ATP2B2: variants seen among roughly 807,000 people sequenced by gnomAD.
The protein encoded by ATP2B2 is ATPase plasma membrane Ca2+ transporting 2.
ATP2B2 carries 15 observed loss-of-function variants against 120.0 expected under a neutral mutation model. The ratio of observed to expected loss-of-function variants is 0.12; its 90% CI spans 0.08 to 0.19. ATP2B2 has a LOEUF of 0.19. Ranked by LOEUF, ATP2B2 falls within the 10% of genes least tolerant of loss-of-function variation. The pLI, the probability that ATP2B2 is intolerant of heterozygous loss-of-function variation, is 1.00. For missense variants in ATP2B2, 1,045 were observed against 1,719.8 expected (o/e 0.61, Z 6.94); for synonymous variants, 694 against 700.3 (o/e 0.99, Z 0.14).
rs1000522037 is a variant in ATP2B2, at chr3:10,603,848, G to A, written c.-415+16069C>T. On this transcript the variant is annotated intron_variant, in intron 2 of 21. Transcript: ENST00000646379. ...CAATAAATAGACTTAACTCTCAGAC[G>A]ACAGAGCAACCACAAAGGAAATGAA... 2.0e-5 allele frequency among the ~76,000 whole-genome samples: 3 copies of A among 152,114 alleles called. No homozygotes were observed. In the South Asian group the frequency reaches 6.2e-4, roughly 32 times the overall value.
intron 2 of ATP2B2, among the ~76,000 whole-genome samples, chr3:10,437,910 G>A (rs574592644): frequency 6.6e-6 from 1 of 152,192 alleles, no homozygotes; most frequent in African/African-American, 2.4e-5. Flanking sequence ...ATAGTGGGAA[G>A]ATAATGTGAA....
intron 3 of ATP2B2, among the ~76,000 whole-genome samples, chr3:10,529,020 C>A (rs1003512730): frequency 6.6e-6 from 1 of 151,682 alleles, no homozygotes; most frequent in East Asian, 1.9e-4. Context: ...CCAGCACTGA[C>A]CCCCCACCTC....
chr3:10,369,603 G>A (rs1308306474), intron 12 of ATP2B2, among the ~76,000 whole-genome samples: 4 of 152,210 alleles, frequency 2.6e-5, no homozygotes, highest in South Asian at 2.1e-4. Flanking sequence ...ATCCTCTTTC[G>A]GTGGGTGATT....
chr3:10,639,487 G>T (rs2070112791), intron 1 of ATP2B2, among the ~76,000 whole-genome samples: 1 of 152,116 alleles, frequency 6.6e-6, no homozygotes. Flanking sequence ...TGGTTCTCTG[G>T]AGTCTCTTTT....
rs1427006384 is a variant in ATP2B2, at chr3:10,355,917, T to A, written c.2136+2774A>T. 5.4e-5 allele frequency among the ~76,000 whole-genome samples: 4 copies of A among 74,204 alleles called. 2 individuals carry two copies. Among genetic ancestry groups the A allele is most frequent in the Non-Finnish European group, 1.0e-4 (4 of 39,180 alleles). 48.7% of individuals were successfully genotyped at this position (74,204 alleles called of 152,430 possible). Reference sequence around the variant, plus strand: ...TGAAACCCCGTCTCTACTAAAAAAATACAAAAAATTAGCCGGGCGTGGTAG... The same window carrying A: ...TGAAACCCCGTCTCTACTAAAAAAAAACAAAAAATTAGCCGGGCGTGGTAG... On this transcript the variant is annotated intron_variant, in intron 14 of 22. Coordinates refer to ENST00000360273, the MANE Select transcript of ATP2B2 (RefSeq NM_001001331.4).
Position 10,402,129 on chromosome 3 carries a change from G to A in ATP2B2, c.617C>T (p.Ala206Val). 6.2e-7 allele frequency: 1 copy of A among 1,614,124 alleles called. No homozygotes were observed. The highest frequency in any genetic ancestry group is 8.5e-7 in the Non-Finnish European group (1 of 1,180,034). ...GGCTATGTCCCCAACCACGATCTCAGCCACAGGGATCTGGACCACCTGGCC... is the reference window on the plus strand; with the variant it reads ...GGCTATGTCCCCAACCACGATCTCAACCACAGGGATCTGGACCACCTGGCC... ...RAGQVVQIPV[A>V]EIVVGDIAQV... Residue 206 changes from alanine (A) to valine (V), a missense_variant, in exon 4 of 23, where the codon GCT (alanine) becomes GTT (valine). By Grantham distance (64) the Ala-to-Val change is moderately conservative. Coordinates refer to ENST00000360273, the MANE Select transcript of ATP2B2 (RefSeq NM_001001331.4). This position sits in a 1 kb window ranked among gnomAD's most constrained non-coding sequence, Gnocchi z 4.9.
At chr3:10,339,557 C>G (rs543289521) in intron 21 of ATP2B2, among the ~76,000 whole-genome samples, 1 of 152,120 alleles carries the variant, frequency 6.6e-6, no homozygotes, top group Non-Finnish European at 1.5e-5. Flanking sequence ...CTTGGGCAAA[C>G]GTAGAAAAAC....
At chr3:10,693,273 A>G (rs1390342183) in intron 1 of ATP2B2, among the ~76,000 whole-genome samples, 1 of 152,140 alleles carries the variant, frequency 6.6e-6, no homozygotes, top group African/African-American at 2.4e-5. Context: ...ACATTTCATA[A>G]CTCTTATAGT....
At chr3:10,574,103 G>A (rs2068190316) in intron 2 of ATP2B2, among the ~76,000 whole-genome samples, 1 of 152,138 alleles carries the variant, frequency 6.6e-6, no homozygotes, top group Non-Finnish European at 1.5e-5. Context: ...TTATCTCCCA[G>A]CAATGTTAAT....
At chr3:10,334,422 G>A (rs1389396555) in intron 22 of ATP2B2, among the ~76,000 whole-genome samples, 1 of 152,204 alleles carries the variant, frequency 6.6e-6, no homozygotes, top group African/African-American at 2.4e-5. Flanking sequence ...CCAGAGCTGA[G>A]TTGGTGCAGA....
At position 10,402,266 on chromosome 3, in the gene ATP2B2, T is replaced by G; in HGVS notation, c.480A>C (p.Ser160=). 6.2e-7 allele frequency: 1 copy of G among 1,614,018 alleles called. No individual in the cohort carries two copies. Among genetic ancestry groups the G allele is most frequent in the Non-Finnish European group, 8.5e-7 (1 of 1,180,002 alleles). Residue 160 remains serine (S), a synonymous_variant, in exon 4 of 23, where the codon TCA becomes TCC. Coordinates refer to ENST00000360273, the MANE Select transcript of ATP2B2 (RefSeq NM_001001331.4). The surrounding 1 kb of genome is among the most constrained non-coding windows in gnomAD (Gnocchi z 4.9). ...GWIEGAAILL[S]VICVVLVTAF... ...CCGTGACCAGGACCACACAGATAACTGAGAGGAGAATGGCGGCCCCCTCGA... is the reference window on the plus strand; with the variant it reads ...CCGTGACCAGGACCACACAGATAACGGAGAGGAGAATGGCGGCCCCCTCGA...
chr3:10,356,337 G>T (rs1159759423), intron 14 of ATP2B2, among the ~76,000 whole-genome samples: 1 of 152,148 alleles, frequency 6.6e-6, no homozygotes, highest in Non-Finnish European at 1.5e-5. Context: ...GTTTGGACTA[G>T]ATCAGTCACT....
intron 2 of ATP2B2, among the ~76,000 whole-genome samples, chr3:10,580,064 C>T (rs2068352589): frequency 6.6e-6 from 1 of 152,126 alleles, no homozygotes; most frequent in Admixed American, 6.5e-5. Flanking sequence ...CACCCACTGA[C>T]AGCCACTCTT....
intron 2 of ATP2B2, among the ~76,000 whole-genome samples, chr3:10,601,088 C>T (rs1035875435): frequency 1.2e-4 from 19 of 152,178 alleles, no homozygotes; most frequent in African/African-American, 3.4e-4. Context: ...GCACCAGGTC[C>T]GGCCTTGCGG....
At chr3:10,564,437 T>A (rs1252100000) in intron 2 of ATP2B2, among the ~76,000 whole-genome samples, 1 of 152,072 alleles carries the variant, frequency 6.6e-6, no homozygotes, top group Non-Finnish European at 1.5e-5. Context: ...CCTCCCATCC[T>A]CCTCCCCAAC....
At position 10,342,456 on chromosome 3, in the gene ATP2B2, T is replaced by C. The variant is rs2060306039; in HGVS notation, c.2917+296A>G. Among the ~76,000 whole-genome samples, 1 of 152,152 alleles carries C rather than the reference T, an allele frequency of 6.6e-6. No homozygotes were observed. Among genetic ancestry groups the C allele is most frequent in the Non-Finnish European group, 1.5e-5 (1 of 68,026 alleles). On this transcript the variant is annotated intron_variant, in intron 19 of 22. Transcript: ENST00000360273. The surrounding 1 kb of genome is among the most constrained non-coding windows in gnomAD (Gnocchi z 4.4). ...GCCTCAGGTGCCTCTGGGGCTGCCATGCAGTGCTTCAGCACCCGGTCAGGG... is the reference window on the plus strand; with the variant it reads ...GCCTCAGGTGCCTCTGGGGCTGCCACGCAGTGCTTCAGCACCCGGTCAGGG...
intron 1 of ATP2B2, among the ~76,000 whole-genome samples, chr3:10,477,780 T>A (rs1206094960): frequency 1.3e-5 from 2 of 152,272 alleles, no homozygotes; most frequent in African/African-American, 4.8e-5. Flanking sequence ...ATTTGATTTA[T>A]CAGTTGATCC....
chr3:10,705,063 C>T (rs376955904), intron 1 of ATP2B2, among the ~76,000 whole-genome samples: 54 of 152,166 alleles, frequency 3.5e-4, no homozygotes, highest in African/African-American at 1.3e-3. Context: ...TGCAGTGATT[C>T]CATATAACAA....
chr3:10,678,208 T>C (rs181860553), intron 1 of ATP2B2, among the ~76,000 whole-genome samples: 12 of 152,362 alleles, frequency 7.9e-5, no homozygotes, highest in Non-Finnish European at 1.3e-4. Flanking sequence ...AAAATGAATA[T>C]GTATTGCTTT....
Sources: allele counts gnomAD v4.1 joint callset (sites outside exome capture counted in the v4.1 genomes callset), GRCh38; gene constraint gnomAD v4.1.1; non-coding constraint Gnocchi (gnomAD v3.1); transcripts MANE v1.5; gene names NCBI Gene and HGNC (gene_info 2026-07-23, HGNC 2026-07-21).